Variants in NEU3 observed in about 807,000 individuals in gnomAD.
The protein encoded by NEU3 is neuraminidase 3, also known as sialidase-3.
In NEU3, 10 loss-of-function variants were observed where a neutral mutation model predicts 11.4. The ratio of observed to expected loss-of-function variants is 0.88; its 90% CI spans 0.54 to 1.49. The LOEUF (loss-of-function observed/expected upper bound fraction) is 1.49. Among genes scored for constraint, NEU3 ranks in the 40% most tolerant of loss-of-function variants. NEU3 has a pLI of 0.00. For missense variants in NEU3, 529 were observed against 581.8 expected (o/e 0.91, Z 0.93); for synonymous variants, 212 against 228.2 (o/e 0.93, Z 0.64).
intron 2 of NEU3, among the ~76,000 whole-genome samples, chr11:75,004,037 T>G (rs574464959): frequency 6.6e-6 from 1 of 152,364 alleles, no homozygotes; most frequent in Non-Finnish European, 1.5e-5. Flanking sequence ...ATGCTACATT[T>G]GAATAATCTT....
chr11:75,019,877 A>G (rs938470824), downstream of NEU3, among the ~76,000 whole-genome samples: 3 of 152,182 alleles, frequency 2.0e-5, no homozygotes, highest in Admixed American at 6.5e-5. Context: ...CAGACTCCAG[A>G]ATTGTAAATC....
chr11:74,996,262 T>C (rs1948789908), intron 2 of NEU3, among the ~76,000 whole-genome samples: 1 of 152,184 alleles, frequency 6.6e-6, no homozygotes, highest in Non-Finnish European at 1.5e-5. Context: ...ATAGCATTTT[T>C]CCCATAGTAG....
Position 74,989,066 on chromosome 11 carries a change from A to G in NEU3, c.6A>G (p.Arg2=). The G allele has an allele frequency of 6.5e-7, 1 of 1,548,620 alleles. No individual in the cohort carries two copies. M[R]PADLPPRPME... is the part of the protein sequence containing the mutation. ...CCTCTTCCGGGCTTCGGCGAATGAGACCTGCGGACCTGCCCCCGCGCCCCA... is the reference window on the plus strand; with the variant it reads ...CCTCTTCCGGGCTTCGGCGAATGAGGCCTGCGGACCTGCCCCCGCGCCCCA... Residue 2 remains arginine, a synonymous_variant, in exon 1 of 3, where the codon AGA becomes AGG. Transcript: ENST00000294064.
At chr11:74,987,133 CAGTT>C (rs1048900117), upstream of NEU3, among the ~76,000 whole-genome samples, 13 of 152,128 alleles carry the variant, frequency 8.5e-5, no homozygotes, top group East Asian at 5.8e-4. Flanking sequence ...TGGCATTGGT[CAGTT>C]AATTATTTTA....
intron 2 of NEU3, among the ~76,000 whole-genome samples, chr11:74,999,092 G>T (rs1019049539): frequency 2.0e-5 from 3 of 152,154 alleles, no homozygotes; most frequent in African/African-American, 7.2e-5. Flanking sequence ...ACGACTACAG[G>T]TGTACACCAC....
rs7113716 is a variant in NEU3, at chr11:75,006,444, G to A, written c.1338G>A (p.Gly446=). The A allele has an allele frequency of 4.6e-3, 7,455 of 1,613,662 alleles. 288 individuals carry two copies. In the African/African-American group the frequency reaches 0.088, roughly 19 times the overall value. ...THREILSHLQ[G]DCTSPGRNPS... ...GGGAGATCCTGAGTCACCTGCAGGGGGACTGCACCAGCCCTGGTAGGAACC... is the reference window on the plus strand; with the variant it reads ...GGGAGATCCTGAGTCACCTGCAGGGAGACTGCACCAGCCCTGGTAGGAACC... Residue 446 remains glycine (G), a synonymous_variant, in exon 3 of 3, where the codon GGG becomes GGA. Coordinates refer to ENST00000294064, the MANE Select transcript of NEU3 (RefSeq NM_006656.6).
At chr11:74,993,661 C>T (rs1274691918) in intron 1 of NEU3, among the ~76,000 whole-genome samples, 1 of 152,112 alleles carries the variant, frequency 6.6e-6, no homozygotes, top group Non-Finnish European at 1.5e-5. Context: ...ATACGTGAAA[C>T]TGGGTAACTT....
chr11:75,006,338 A>G lies in NEU3; in HGVS notation c.1232A>G (p.Glu411Gly), dbSNP rs769179997. Reference sequence around the variant, plus strand: ...TACTCTGATCTGGCTGCTCTGGAGGAGGAGGGCTTGTTTGGGTGTTTGTTT... The same window carrying G: ...TACTCTGATCTGGCTGCTCTGGAGGGGGAGGGCTTGTTTGGGTGTTTGTTT... ...CGYSDLAALE[E>G]EGLFGCLFEC... The change falls in exon 3 of 3, where the codon GAG becomes GGG. Residue 411 changes from glutamate to glycine, a missense_variant. Glu to Gly is a moderately conservative substitution (Grantham distance 98). Coordinates refer to ENST00000294064, the MANE Select transcript of NEU3 (RefSeq NM_006656.6). The G allele has an allele frequency of 5.6e-6, 9 of 1,613,810 alleles. No individual in the cohort carries two copies. The East Asian group carries it at 1.1e-4, about 20-fold the overall frequency.
downstream of NEU3, among the ~76,000 whole-genome samples, chr11:75,019,930 T>C (rs1948996442): frequency 6.6e-6 from 1 of 152,134 alleles, no homozygotes; most frequent in African/African-American, 2.4e-5. Context: ...CTGCAGACAC[T>C]CAACGTCAGC....
chr11:75,002,846 G>A (rs1948859151), intron 2 of NEU3, among the ~76,000 whole-genome samples: 1 of 152,088 alleles, frequency 6.6e-6, no homozygotes, highest in Non-Finnish European at 1.5e-5. Context: ...TTTTGGTCTG[G>A]CTTTTGTTCA....
At position 75,006,423 on chromosome 11, in the gene NEU3, G is replaced by C. The variant is rs780751872; in HGVS notation, c.1317G>C (p.Glu439Asp). Residue 439 changes from glutamate (E) to aspartate (D), a missense_variant, in exon 3 of 3, where the codon GAG (glutamate) becomes GAC (aspartate). Coordinates refer to ENST00000294064, the MANE Select transcript of NEU3 (RefSeq NM_006656.6). ...QIAFRLFTHR[E>D]ILSHLQGDCT... ...CCTTCCGCCTGTTTACACACCGGGAGATCCTGAGTCACCTGCAGGGGGACT... is the reference window on the plus strand; with the variant it reads ...CCTTCCGCCTGTTTACACACCGGGACATCCTGAGTCACCTGCAGGGGGACT... 1.7e-5 allele frequency: 27 copies of C among 1,613,880 alleles called. No homozygotes were observed. Among genetic ancestry groups the C allele is most frequent in the Non-Finnish European group, 2.3e-5 (27 of 1,179,892 alleles).
At chr11:74,987,047 A>G (rs565121652), upstream of NEU3, among the ~76,000 whole-genome samples, 2 of 152,342 alleles carry the variant, frequency 1.3e-5, no homozygotes, top group South Asian at 4.1e-4. Context: ...TTTAGTAGCT[A>G]TTGATAATTG....
upstream of NEU3, among the ~76,000 whole-genome samples, chr11:74,987,287 T>C (rs1345140199): frequency 1.3e-5 from 2 of 152,208 alleles, no homozygotes; most frequent in African/African-American, 4.8e-5. Flanking sequence ...CGATATGAAC[T>C]TTCTTTGCAG....
At chr11:74,981,658 C>A in the NEU3 span, among the ~76,000 whole-genome samples, 1 of 152,128 alleles carries the variant, frequency 6.6e-6, no homozygotes, top group African/African-American at 2.4e-5. Flanking sequence ...TGTCTTCTGG[C>A]AACATCCATG....
At chr11:74,993,134 T>C (rs778886181) in intron 1 of NEU3, among the ~76,000 whole-genome samples, 30 of 152,186 alleles carry the variant, frequency 2.0e-4, no homozygotes, top group Non-Finnish European at 3.4e-4. Context: ...AGGCCTGTTG[T>C]TATACCAAAT....
intron 2 of NEU3, among the ~76,000 whole-genome samples, chr11:74,995,493 G>A (rs554309514): frequency 9.2e-5 from 14 of 152,242 alleles, no homozygotes; most frequent in African/African-American, 2.9e-4. Flanking sequence ...GGCATACGTC[G>A]GAGATATTGT....
At chr11:75,004,345 C>G (rs192510323) in intron 2 of NEU3, 1 of 658,854 alleles carries the variant, frequency 1.5e-6, no homozygotes, top group East Asian at 3.0e-5. Flanking sequence ...GTCTCAAACT[C>G]CTGGACTCAA....
At chr11:75,004,964 A>G (rs1331969787) in intron 2 of NEU3, among the ~76,000 whole-genome samples, 1 of 148,030 alleles carries the variant, frequency 6.8e-6, no homozygotes, top group African/African-American at 2.5e-5. Context: ...AATATTTAGC[A>G]CCTATTATGT....
rs889300647 is a variant in NEU3 at position 74,992,355 on chromosome 11, G to A, written c.95-2154G>A. 1.1e-3 allele frequency among the ~76,000 whole-genome samples: 162 copies of A among 152,224 alleles called. 10 individuals are homozygous for A. Among genetic ancestry groups the A allele is most frequent in the African/African-American group, 7.2e-5 (3 of 41,468 alleles). ...ACTTGGATTGGGTTTCTTGAGAGCA[G>A]GAACCTCTGATCCTTCTCTGTCTTC... On this transcript the variant is annotated intron_variant, in intron 1 of 2. Coordinates refer to ENST00000294064, the MANE Select transcript of NEU3 (RefSeq NM_006656.6).
Sources: gnomAD v4.1 joint callset for allele counts (sites outside exome capture counted in the v4.1 genomes callset) on GRCh38, gnomAD v4.1.1 for gene constraint, MANE v1.5 for transcripts, NCBI Gene and HGNC (gene_info 2026-07-23, HGNC 2026-07-21) for gene names.